CAB39L: variants seen among roughly 807,000 people sequenced by gnomAD.
The protein encoded by CAB39L is calcium binding protein 39 like.
In CAB39L, 23 loss-of-function variants were observed where a neutral mutation model predicts 39.1. The ratio of observed to expected loss-of-function variants is 0.59; its 90% CI spans 0.42 to 0.83. The LOEUF is 0.83. Among genes scored for constraint, CAB39L ranks in the 40% least tolerant of loss-of-function variants. The pLI is 0.00. For missense variants in CAB39L, 366 were observed against 391.9 expected, an observed-to-expected ratio of 0.93 and a Z score of 0.56; for synonymous variants, 126 against 137.2, an observed-to-expected ratio of 0.92 and a Z score of 0.57.
chr13:49,330,777 A>G (rs913998942), intron 10 of CAB39L, among the ~76,000 whole-genome samples: 1 of 151,556 alleles, frequency 6.6e-6, no homozygotes, highest in African/African-American at 2.4e-5. Context: ...CTAGGTATCT[A>G]TCAGAAGATA....
At chr13:49,336,514 A>G (rs944343859) in intron 9 of CAB39L, among the ~76,000 whole-genome samples, 3 of 152,228 alleles carry the variant, frequency 2.0e-5, no homozygotes, top group Non-Finnish European at 4.4e-5. Flanking sequence ...GGCATCTGCA[A>G]ATAAGTAGGA....
chr13:49,371,185 C>CTT (rs202093835), intron 5 of CAB39L, among the ~76,000 whole-genome samples: 3 of 112,624 alleles, frequency 2.7e-5, no homozygotes, highest in African/African-American at 3.5e-5. Context: ...TTTTCTTTTT[C>CTT]TTTCTTTTTT....
intron 3 of CAB39L, among the ~76,000 whole-genome samples, chr13:49,388,649 T>C (rs1035122503): frequency 1.3e-5 from 2 of 152,050 alleles, no homozygotes; most frequent in Non-Finnish European, 2.9e-5. Flanking sequence ...AAATTAATGC[T>C]AAAAAATCAG....
At chr13:49,364,212 T>C (rs76735085) in intron 5 of CAB39L, among the ~76,000 whole-genome samples, 1 of 152,156 alleles carries the variant, frequency 6.6e-6, no homozygotes, top group African/African-American at 2.4e-5. Flanking sequence ...CACATCCCAA[T>C]ACAACAATAG....
chr13:49,411,914 A>C (rs1956998414), intron 3 of CAB39L, among the ~76,000 whole-genome samples: 1 of 152,306 alleles, frequency 6.6e-6, no homozygotes, highest in African/African-American at 2.4e-5. Flanking sequence ...GTTAGGGAGA[A>C]GGCATTAAGT....
At chr13:49,346,392 G>T (rs1459524296) in intron 7 of CAB39L, among the ~76,000 whole-genome samples, 14 of 142,890 alleles carry the variant, frequency 9.8e-5, no homozygotes, top group Non-Finnish European at 7.6e-5. Context: ...AGAAGGAAAA[G>T]ACAGAAAATT....
chr13:49,335,901 A>C (rs551726491), intron 9 of CAB39L, among the ~76,000 whole-genome samples: 7 of 152,222 alleles, frequency 4.6e-5, no homozygotes, highest in Non-Finnish European at 1.0e-4. Flanking sequence ...TTGGAATCAG[A>C]AAATAGCCTA....
intron 8 of CAB39L, among the ~76,000 whole-genome samples, chr13:49,340,658 T>C (rs1429891504): frequency 6.6e-6 from 1 of 152,226 alleles, no homozygotes; most frequent in South Asian, 2.1e-4. Context: ...ATTTTGTGGA[T>C]CATTAAATGC....
chr13:49,394,512 T>C (rs1341187381), intron 3 of CAB39L, among the ~76,000 whole-genome samples: 1 of 152,102 alleles, frequency 6.6e-6, no homozygotes, highest in African/African-American at 2.4e-5. Context: ...GGCTTTATAG[T>C]AATTCCATTT....
In CAB39L at chr13:49,371,766, A is replaced by AT. The variant is rs200305728; in HGVS notation, c.276+5200dup. 2.9e-3 allele frequency among the ~76,000 whole-genome samples: 446 copies of AT among 151,422 alleles called. 4 individuals carry two copies. The East Asian group carries it at 0.031, about 11-fold the overall frequency. ...CAGGCATACTCTGCTAATTTTTTTT[A>AT]TTTTTTGTAGAGACAGGGTTTTGCC... On this transcript the variant is annotated intron_variant, in intron 5 of 10. Transcript: ENST00000409308.
At chr13:49,435,123 A>C (rs976724125) in intron 1 of CAB39L, among the ~76,000 whole-genome samples, 1 of 152,132 alleles carries the variant, frequency 6.6e-6, no homozygotes, top group Non-Finnish European at 1.5e-5. Context: ...TATTCTACAG[A>C]TCATTCTCTA....
chr13:49,385,310 G>C (rs1378643735), intron 3 of CAB39L, among the ~76,000 whole-genome samples: 2 of 152,122 alleles, frequency 1.3e-5, no homozygotes, highest in Non-Finnish European at 2.9e-5. Context: ...ACCTCTCTCA[G>C]CCTTCACAGA....
At chr13:49,391,236 A>C (rs1430379332) in intron 3 of CAB39L, among the ~76,000 whole-genome samples, 1 of 152,224 alleles carries the variant, frequency 6.6e-6, no homozygotes, top group African/African-American at 2.4e-5. Flanking sequence ...AAGATTTTTC[A>C]CCTAGAATTC....
At position 49,309,188 on chromosome 13, in the gene CAB39L, AGG is replaced by A. The variant is rs1953919857; in HGVS notation, c.*1624_*1625del. ...CAGTGACTAAAGAGTACGGGTCATC[AGG>A]CTGCCGGCCGGCCTCCTGCAAGGGC... On this transcript the variant is annotated 3_prime_UTR_variant, in exon 11 of 11. Transcript: ENST00000409308. The A allele has an allele frequency of 6.6e-6, 1 of 152,236 alleles. No individual in the cohort carries two copies. The highest frequency in any genetic ancestry group is 2.1e-4 in the South Asian group (1 of 4,836). The allele number at this position is 152,236 out of a possible 1,614,324, so 9.4% of individuals were successfully genotyped here.
At chr13:49,322,731 T>C (rs1954384492) in intron 10 of CAB39L, among the ~76,000 whole-genome samples, 1 of 152,182 alleles carries the variant, frequency 6.6e-6, no homozygotes, top group Admixed American at 6.5e-5. Context: ...CTTAGCTAAT[T>C]CATCCTTCCA....
rs151274145 is a variant in CAB39L, at chr13:49,402,256, T to C, written c.-31-19315A>G. 3.4e-3 allele frequency among the ~76,000 whole-genome samples: 514 copies of C among 152,296 alleles called. 3 individuals carry two copies. The highest frequency in any genetic ancestry group is 0.02 in the South Asian group (98 of 4,824). On this transcript the variant is annotated intron_variant, in intron 3 of 10. Transcript: ENST00000409308. ...TATTAAAGTGATTATACACATACAA[T>C]TATAGAGTAAAGTATCTTAAAATTA...
intron 5 of CAB39L, among the ~76,000 whole-genome samples, chr13:49,371,705 TTCCACC>T (rs968050648): frequency 1.3e-5 from 2 of 152,040 alleles, no homozygotes; most frequent in African/African-American, 4.8e-5. Flanking sequence ...CAGGTGATTC[TTCCACC>T]TTAGCCTCCT....
At chr13:49,432,325 A>C (rs1401398562) in intron 3 of CAB39L, among the ~76,000 whole-genome samples, 1 of 152,052 alleles carries the variant, frequency 6.6e-6, no homozygotes, top group Admixed American at 6.5e-5. Context: ...TTGTAGAGAC[A>C]GGGTTTCACT....
In CAB39L at chr13:49,332,083, C is replaced by T. The variant is rs1954717489; in HGVS notation, c.698G>A (p.Gly233Glu). ...VTKRQSLKLL[G>E]ELILDRHNFA... ...GTTGTGACGGTCCAGGATCAGCTCC[C>T]CTAGCAGCTAGAGGAAAACACAAAA... Residue 233 changes from glycine (G) to glutamate (E), a missense_variant, in exon 10 of 11, where the codon GGG (glycine) becomes GAG (glutamate). By Grantham distance (98) the Gly-to-Glu change is moderately conservative. Coordinates refer to ENST00000409308, the MANE Select transcript of CAB39L (RefSeq NM_001079670.3). 2 of 1,613,412 alleles carry T rather than the reference C, an allele frequency of 1.2e-6. No individual in the cohort carries two copies. Among genetic ancestry groups the T allele is most frequent in the Non-Finnish European group, 1.7e-6 (2 of 1,179,662 alleles).
Sources: allele counts gnomAD v4.1 joint callset (sites outside exome capture counted in the v4.1 genomes callset), GRCh38; gene constraint gnomAD v4.1.1; transcripts MANE v1.5; gene names NCBI Gene and HGNC (gene_info 2026-07-23, HGNC 2026-07-21).